The following SORCS2 variants were observed in gnomAD, a reference collection of about 807,000 sequenced individuals.
SORCS2 encodes VPS10 domain-containing receptor SorCS2.
In SORCS2, 100 loss-of-function variants were observed where a neutral mutation model predicts 141.6. The ratio of observed to expected loss-of-function variants is 0.71; its 90% CI spans 0.60 to 0.83. The LOEUF (loss-of-function observed/expected upper bound fraction) is 0.83, where lower values mean the gene tolerates loss of function less well. Ranked by LOEUF, SORCS2 falls within the 40% of genes least tolerant of loss-of-function variation. The pLI is 0.00. For missense variants in SORCS2, 1,646 were observed against 1,560.2 expected (o/e 1.05, Z -0.93); for synonymous variants, 789 against 676.9 (o/e 1.17, Z -2.57).
At chr4:7,480,694 G>T (rs1190897248) in intron 2 of SORCS2, among the ~76,000 whole-genome samples, 1 of 152,232 alleles carries the variant, frequency 6.6e-6, no homozygotes, top group African/African-American at 2.4e-5. Context: ...TGATATTGCG[G>T]TGGTTGTGAG....
intron 1 of SORCS2, among the ~76,000 whole-genome samples, chr4:7,209,960 G>C (rs982606516): frequency 1.3e-5 from 2 of 152,214 alleles, no homozygotes; most frequent in Admixed American, 1.3e-4. Flanking sequence ...GGTTGGGACC[G>C]AGCATGGTCC....
At chr4:7,426,424 A>T (rs1726443396) in intron 2 of SORCS2, among the ~76,000 whole-genome samples, 1 of 152,150 alleles carries the variant, frequency 6.6e-6, no homozygotes, top group African/African-American at 2.4e-5. Flanking sequence ...ATTACTAAGA[A>T]CCATGTTGCA....
At chr4:7,689,276 G>C (rs1272356831) in intron 10 of SORCS2, among the ~76,000 whole-genome samples, 1 of 151,914 alleles carries the variant, frequency 6.6e-6, no homozygotes, top group East Asian at 1.9e-4. Context: ...TGTCAGCACA[G>C]CACCTGCTGA....
At chr4:7,660,318 A>T (rs915513569) in intron 5 of SORCS2, among the ~76,000 whole-genome samples, 1 of 152,152 alleles carries the variant, frequency 6.6e-6, no homozygotes, top group African/African-American at 2.4e-5. Flanking sequence ...CCCCCGCCTG[A>T]GTGTCCTGAC....
At chr4:7,495,693 C>T (rs1194961320) in intron 2 of SORCS2, among the ~76,000 whole-genome samples, 1 of 152,176 alleles carries the variant, frequency 6.6e-6, no homozygotes, top group African/African-American at 2.4e-5. Flanking sequence ...AAACTGAGGT[C>T]ACGAAGAAGG....
rs562434418 is a variant in SORCS2, at chr4:7,638,258, C to T, written c.649-70C>T. Reference sequence around the variant, plus strand: ...AGAGAGGCGCACCTGGCCCAGGCCTCACAACACCTTTCTGGTGTCGGGGGA... The same window carrying T: ...AGAGAGGCGCACCTGGCCCAGGCCTTACAACACCTTTCTGGTGTCGGGGGA... On this transcript the variant is annotated intron_variant, in intron 3 of 26. Coordinates refer to ENST00000507866, the MANE Select transcript of SORCS2 (RefSeq NM_020777.3). The T allele has an allele frequency of 6.1e-6, 9 of 1,477,260 alleles. No individual in the cohort carries two copies. The Admixed American group carries it at 1.5e-4, about 25-fold the overall frequency. The allele number at this position is 1,477,260 out of a possible 1,614,324, so 91.5% of individuals were successfully genotyped here.
Position 7,213,942 on chromosome 4 carries a change from C to T in SORCS2, c.480+20816C>T, listed in dbSNP as rs1728186614. On this transcript the variant is annotated intron_variant, in intron 1 of 26. Coordinates refer to ENST00000507866, the MANE Select transcript of SORCS2 (RefSeq NM_020777.3). ...TTTATTCCATGTCCCTGCCCCAGAGCTGTGAGGTTCCCTGCAGCGAGTGAG... is the reference window on the plus strand; with the variant it reads ...TTTATTCCATGTCCCTGCCCCAGAGTTGTGAGGTTCCCTGCAGCGAGTGAG... 2.0e-5 allele frequency among the ~76,000 whole-genome samples: 3 copies of T among 152,214 alleles called. No homozygotes were observed. In the South Asian group the frequency reaches 6.2e-4, roughly 32 times the overall value.
At chr4:7,521,742 T>C (rs919280078) in intron 2 of SORCS2, among the ~76,000 whole-genome samples, 1 of 152,204 alleles carries the variant, frequency 6.6e-6, no homozygotes, top group Non-Finnish European at 1.5e-5. Flanking sequence ...GCAAGTCCCT[T>C]TCCCACTGGG....
chr4:7,637,661 C>G (rs74506491), intron 3 of SORCS2, among the ~76,000 whole-genome samples: 2 of 151,916 alleles, frequency 1.3e-5, no homozygotes, highest in Non-Finnish European at 2.9e-5. Context: ...GCAGCACCCC[C>G]TCCCTGGTGT....
At chr4:7,605,921 C>G (rs773669207) in intron 3 of SORCS2, among the ~76,000 whole-genome samples, 15 of 152,124 alleles carry the variant, frequency 9.9e-5, no homozygotes, top group Non-Finnish European at 1.8e-4. Flanking sequence ...AGGTGGTGGT[C>G]TCTGTGGAGG....
chr4:7,277,993 C>G (rs1032315310), intron 1 of SORCS2, among the ~76,000 whole-genome samples: 7 of 152,146 alleles, frequency 4.6e-5, no homozygotes, highest in African/African-American at 1.7e-4. Context: ...TTGTGGATAC[C>G]TTGTCATTGG....
intron 3 of SORCS2, among the ~76,000 whole-genome samples, chr4:7,623,631 A>C (rs1719342869): frequency 6.6e-6 from 1 of 151,218 alleles, no homozygotes; most frequent in African/African-American, 2.4e-5. Flanking sequence ...CCTCCTCCCC[A>C]TCCCACGGCG....
chr4:7,554,068 T>C (rs749917028), intron 3 of SORCS2, among the ~76,000 whole-genome samples: 9 of 150,770 alleles, frequency 6.0e-5, no homozygotes, highest in Non-Finnish European at 1.2e-4. Flanking sequence ...ATCAGAATGT[T>C]CATGAAACGA....
chr4:7,444,641 T>C (rs1326164858), intron 2 of SORCS2, among the ~76,000 whole-genome samples: 4 of 152,108 alleles, frequency 2.6e-5, no homozygotes, highest in Admixed American at 2.6e-4. Flanking sequence ...TGGGGAGCCA[T>C]AGCAGGGTTT....
chr4:7,463,450 G>A (rs1284979437), intron 2 of SORCS2, among the ~76,000 whole-genome samples: 7 of 152,164 alleles, frequency 4.6e-5, no homozygotes, highest in African/African-American at 1.4e-4. Context: ...CTTAGTAAAT[G>A]TTTCCTTCCC....
chr4:7,251,874 C>T (rs567810742), intron 1 of SORCS2, among the ~76,000 whole-genome samples: 29 of 152,202 alleles, frequency 1.9e-4, no homozygotes, highest in African/African-American at 5.3e-4. Context: ...ACATTGCATC[C>T]GGGACAGAAT....
intron 1 of SORCS2, among the ~76,000 whole-genome samples, chr4:7,388,621 C>T (rs1577485928): frequency 6.6e-6 from 1 of 152,094 alleles, no homozygotes; most frequent in African/African-American, 2.4e-5. Flanking sequence ...CACCATGTTT[C>T]TTCAAGCAGA....
At chr4:7,460,339 C>G (rs1560303242) in intron 2 of SORCS2, among the ~76,000 whole-genome samples, 1 of 152,248 alleles carries the variant, frequency 6.6e-6, no homozygotes, top group Non-Finnish European at 1.5e-5. Context: ...CCAGCCAACC[C>G]CAGTCGGTGG....
chr4:7,196,356 C>T (rs1347627047), intron 1 of SORCS2, among the ~76,000 whole-genome samples: 3 of 152,106 alleles, frequency 2.0e-5, no homozygotes, highest in Non-Finnish European at 4.4e-5. Context: ...GGCTCTCAGC[C>T]TCTGGGGTTG....
Sources: allele counts gnomAD v4.1 joint callset (sites outside exome capture counted in the v4.1 genomes callset), GRCh38; gene constraint gnomAD v4.1.1; transcripts MANE v1.5; gene names NCBI Gene and HGNC (gene_info 2026-07-23, HGNC 2026-07-21).